Variants in LLGL2 observed in about 807,000 individuals in gnomAD.
The protein encoded by LLGL2 is LLGL scribble cell polarity complex component 2, also known as LLGL2, scribble cell polarity complex component.
LLGL2 carries 81 observed loss-of-function variants against 123.2 expected under a neutral mutation model. The ratio of observed to expected loss-of-function variants is 0.66; its 90% CI spans 0.55 to 0.79. The LOEUF is 0.79. LLGL2 is among the 30% of genes least tolerant of loss of function. The probability of loss-of-function intolerance (pLI) is 0.00; values close to 1 mark genes in which losing one functional copy is unlikely to be tolerated. For missense variants in LLGL2, 1,273 were observed against 1,414.6 expected, an observed-to-expected ratio of 0.90 and a Z score of 1.61; for synonymous variants, 577 against 594.1, an observed-to-expected ratio of 0.97 and a Z score of 0.42.
chr17:75,569,028 G>A lies in LLGL2; in HGVS notation c.1373G>A (p.Arg458Gln), dbSNP rs747922152. The A allele has an allele frequency of 8.7e-6, 14 of 1,613,000 alleles. No homozygotes were observed. In the East Asian group the frequency reaches 1.8e-4, roughly 21 times the overall value. ...TGGGATGCCTCGGGTGTCTGCCTGC[G>A]GCTGCTCTACAAACTCAGCACTGTG... ...RFWDASGVCLRLLYKLSTVRV... is the reference protein window; with the variant it reads ...RFWDASGVCLQLLYKLSTVRV... Residue 458 changes from arginine (R) to glutamine (Q), a missense_variant, in exon 13 of 26, where the codon CGG becomes CAG. Transcript: ENST00000392550.
chr17:75,567,256 G>A (rs2055481505), intron 10 of LLGL2, among the ~76,000 whole-genome samples: 1 of 152,154 alleles, frequency 6.6e-6, no homozygotes, highest in African/African-American at 2.4e-5. Flanking sequence ...CTGAGGTTAG[G>A]GGTTCGAGAC....
chr17:75,559,928 G>A lies in LLGL2; in HGVS notation c.530+518G>A, dbSNP rs1438602876. Among the ~76,000 whole-genome samples, 3 of 152,240 alleles carry A rather than the reference G, an allele frequency of 2.0e-5. No homozygotes were observed. The highest frequency in any genetic ancestry group is 4.4e-5 in the Non-Finnish European group (3 of 68,038). ...ATGATACTACATTAGAGAGGGAGTTGGATCAGGTCCGGGTGGGAGAAGGGG... is the reference window on the plus strand; with the variant it reads ...ATGATACTACATTAGAGAGGGAGTTAGATCAGGTCCGGGTGGGAGAAGGGG... On this transcript the variant is annotated intron_variant, in intron 6 of 25. Coordinates refer to ENST00000392550, the MANE Select transcript of LLGL2 (RefSeq NM_001031803.2). The surrounding 1 kb of genome is among the most constrained non-coding windows in gnomAD (Gnocchi z 4.6).
chr17:75,543,519 G>A lies in LLGL2; in HGVS notation c.75+18G>A, dbSNP rs1431867018. On this transcript the variant is annotated intron_variant, in intron 2 of 25. Transcript: ENST00000392550. Reference sequence around the variant, plus strand: ...TTAACAAGGTAAGTTAGGGAGAGCAGGGAAGATGACCCCCAGGTTTTCGGC... The same window carrying A: ...TTAACAAGGTAAGTTAGGGAGAGCAAGGAAGATGACCCCCAGGTTTTCGGC... 1 of 1,603,464 alleles carries A rather than the reference G, an allele frequency of 6.2e-7. No homozygotes were observed. The highest frequency in any genetic ancestry group is 1.1e-5 in the South Asian group (1 of 89,742).
chr17:75,571,053 C>T lies in LLGL2; in HGVS notation c.2129C>T (p.Thr710Ile), dbSNP rs760232673. ...GCTCGCTCGGCAGAGGACTCCTTCA[C>T]AGGCTTCGTCCGGACCCTGTACTTT... ...IEARSAEDSFTGFVRTLYFAD... is the reference protein window; with the variant it reads ...IEARSAEDSFIGFVRTLYFAD... The change falls in exon 17 of 26, where the codon ACA becomes ATA. Residue 710 changes from threonine (T) to isoleucine (I), a missense_variant. Coordinates refer to ENST00000392550, the MANE Select transcript of LLGL2 (RefSeq NM_001031803.2). 3.1e-6 allele frequency: 5 copies of T among 1,612,984 alleles called. No homozygotes were observed. In the South Asian group the frequency reaches 5.5e-5, roughly 18 times the overall value.
At chr17:75,572,281 A>G (rs1359388404) in intron 19 of LLGL2, among the ~76,000 whole-genome samples, 1 of 152,022 alleles carries the variant, frequency 6.6e-6, no homozygotes, top group Non-Finnish European at 1.5e-5. Context: ...TAATGCCAGC[A>G]CTTTGGGAGG....
chr17:75,535,420 G>A lies in LLGL2; in HGVS notation c.-30-7977G>A, dbSNP rs150659220. ...CGGGGGCCCTCTCTGGTTTCGGCTGGGTCTGGAGTCCTGCCGCTGGGTGTG... is the reference window on the plus strand; with the variant it reads ...CGGGGGCCCTCTCTGGTTTCGGCTGAGTCTGGAGTCCTGCCGCTGGGTGTG... On this transcript the variant is annotated intron_variant, in intron 1 of 25. Coordinates refer to ENST00000392550, the MANE Select transcript of LLGL2 (RefSeq NM_001031803.2). Among the ~76,000 whole-genome samples, 25 of 152,338 alleles carry A rather than the reference G, an allele frequency of 1.6e-4. No individual in the cohort carries two copies. The East Asian group carries it at 4.2e-3, about 26-fold the overall frequency.
At chr17:75,528,784 G>T (rs1398822190) in intron 1 of LLGL2, among the ~76,000 whole-genome samples, 2 of 151,834 alleles carry the variant, frequency 1.3e-5, no homozygotes, top group African/African-American at 2.4e-5. Flanking sequence ...CCAGGTGATC[G>T]CTGTTCATTT....
At chr17:75,541,689 T>G (rs1158438836) in intron 1 of LLGL2, among the ~76,000 whole-genome samples, 1 of 147,802 alleles carries the variant, frequency 6.8e-6, no homozygotes, top group Non-Finnish European at 1.5e-5. Context: ...GTGCAGATCC[T>G]TTCACTCAAG....
rs1256864020 is a variant in LLGL2, at chr17:75,559,146, A to C, written c.372-106A>C. On this transcript the variant is annotated intron_variant, in intron 5 of 25. Transcript: ENST00000392550. The surrounding 1 kb of genome is among the most constrained non-coding windows in gnomAD (Gnocchi z 4.6). ...TCCTGGCTTGAAATGTTATGACCTCATTAAAGGGCCTTATGGGCTTGTTTT... is the reference window on the plus strand; with the variant it reads ...TCCTGGCTTGAAATGTTATGACCTCCTTAAAGGGCCTTATGGGCTTGTTTT... 13 of 1,209,800 alleles carry C rather than the reference A, an allele frequency of 1.1e-5. No homozygotes were observed. In the South Asian group the frequency reaches 1.6e-4, roughly 15 times the overall value. 74.9% of individuals were successfully genotyped at this position (1,209,800 alleles called of 1,614,324 possible).
At chr17:75,548,269 T>TC (rs2054513749) in intron 2 of LLGL2, among the ~76,000 whole-genome samples, 1 of 126,512 alleles carries the variant, frequency 7.9e-6, no homozygotes, top group Non-Finnish European at 1.7e-5. Flanking sequence ...GAAGGACAAT[T>TC]TTTTTTTTCC....
chr17:75,558,726 CT>C lies in LLGL2; in HGVS notation c.371+100del. 1 of 881,608 alleles carries C rather than the reference CT, an allele frequency of 1.1e-6. No homozygotes were observed. Among genetic ancestry groups the C allele is most frequent in the Non-Finnish European group, 1.8e-6 (1 of 554,590 alleles). 54.6% of individuals were successfully genotyped at this position (881,608 alleles called of 1,614,324 possible). On this transcript the variant is annotated intron_variant, in intron 5 of 25. Coordinates refer to ENST00000392550, the MANE Select transcript of LLGL2 (RefSeq NM_001031803.2). The surrounding 1 kb of genome is among the most constrained non-coding windows in gnomAD (Gnocchi z 4.0). ...ACCCTTTGTGAGGCCTGTTGCGCCC[CT>C]GGCAGTGACTGGCATGCGTTTGGCC...
intron 1 of LLGL2, among the ~76,000 whole-genome samples, chr17:75,540,104 C>T (rs1365852344): frequency 6.6e-6 from 1 of 152,110 alleles, no homozygotes; most frequent in South Asian, 2.1e-4. Flanking sequence ...GGGAGCTATG[C>T]GGTGCTGTGA....
rs900865923 is a variant in LLGL2, at chr17:75,563,235, G to A, written c.693+57G>A. 6.8e-6 allele frequency: 11 copies of A among 1,609,254 alleles called. No homozygotes were observed. In the African/African-American group the frequency reaches 1.2e-4, roughly 18 times the overall value. ...TGTTGCTCTCCCAGGGCCCCAAGTG[G>A]CACATACACACTGTGCAGAGGCATG... On this transcript the variant is annotated intron_variant, in intron 7 of 25. Transcript: ENST00000392550.
chr17:75,536,537 G>A (rs1369180506), intron 1 of LLGL2, among the ~76,000 whole-genome samples: 1 of 152,214 alleles, frequency 6.6e-6, no homozygotes, highest in African/African-American at 2.4e-5. Flanking sequence ...TGCGGTGGCT[G>A]GAGAGGAGCC....
Position 75,568,470 on chromosome 17 carries a change from C to T in LLGL2, c.1037-6C>T, listed in dbSNP as rs779741960. Reference sequence around the variant, plus strand: ...CCCGGCCCCTGACCCTTGCCCTGTACCCCAGCCTTTGACGACCCCTATGCC... The same window carrying T: ...CCCGGCCCCTGACCCTTGCCCTGTATCCCAGCCTTTGACGACCCCTATGCC... On this transcript the variant is annotated splice_polypyrimidine_tract_variant and splice_region_variant and intron_variant, in intron 10 of 25. Transcript: ENST00000392550. The T allele has an allele frequency of 1.9e-6, 3 of 1,611,284 alleles. No individual in the cohort carries two copies. The African/African-American group carries it at 4.0e-5, about 22-fold the overall frequency.
Position 75,558,759 on chromosome 17 carries a change from A to G in LLGL2, c.371+132A>G. On this transcript the variant is annotated intron_variant, in intron 5 of 25. Coordinates refer to ENST00000392550, the MANE Select transcript of LLGL2 (RefSeq NM_001031803.2). The surrounding 1 kb of genome is among the most constrained non-coding windows in gnomAD (Gnocchi z 4.0). ...GACTGGCATGCGTTTGGCCCGATGC[A>G]TCGCCACACTCAGGTGCTCCGAGTG... 1.4e-6 allele frequency: 1 copy of G among 716,858 alleles called. No homozygotes were observed. The highest frequency in any genetic ancestry group is 1.7e-5 in the South Asian group (1 of 58,608). 44.4% of individuals were successfully genotyped at this position (716,858 alleles called of 1,614,324 possible). A position where few individuals can be genotyped will look rare whatever the true frequency, so the allele number is the denominator to read the frequency against.
rs2055081777 is a variant in LLGL2, at chr17:75,559,163, G to A, written c.372-89G>A. On this transcript the variant is annotated intron_variant, in intron 5 of 25. Coordinates refer to ENST00000392550, the MANE Select transcript of LLGL2 (RefSeq NM_001031803.2). The surrounding 1 kb of genome is among the most constrained non-coding windows in gnomAD (Gnocchi z 4.6). The stretch of plus-strand genomic sequence containing the variant: ...ATGACCTCATTAAAGGGCCTTATGG[G>A]CTTGTTTTCCGAGGAGTCAGGGGAC... The A allele has an allele frequency of 2.9e-6, 4 of 1,369,346 alleles. No individual in the cohort carries two copies. Among genetic ancestry groups the A allele is most frequent in the East Asian group, 2.5e-5 (1 of 39,812 alleles). 84.8% of individuals were successfully genotyped at this position (1,369,346 alleles called of 1,614,324 possible). A position where few individuals can be genotyped will look rare whatever the true frequency, so the allele number is the denominator to read the frequency against.
At chr17:75,551,868 C>T (rs1215264989) in intron 2 of LLGL2, among the ~76,000 whole-genome samples, 1 of 152,188 alleles carries the variant, frequency 6.6e-6, no homozygotes, top group Non-Finnish European at 1.5e-5. Context: ...GTGGCTCACG[C>T]CTGTAATCCC....
In LLGL2 at chr17:75,560,802, T is replaced by TAAA. The variant is rs372940306; in HGVS notation, c.530+1420_530+1422dup. Among the ~76,000 whole-genome samples, 156 of 96,074 alleles carry TAAA rather than the reference T, an allele frequency of 1.6e-3. 6 individuals are homozygous for TAAA. The highest frequency in any genetic ancestry group is 2.6e-3 in the Non-Finnish European group (123 of 47,180). 63.0% of individuals were successfully genotyped at this position (96,074 alleles called of 152,430 possible). On this transcript the variant is annotated intron_variant, in intron 6 of 25. Coordinates refer to ENST00000392550, the MANE Select transcript of LLGL2 (RefSeq NM_001031803.2). ...CGCCTGGCCCAGTTTGTTTATTTAT[T>TAAA]AAAAAAAAAAAAAAAAAAAAAAAAA...
Sources: allele counts gnomAD v4.1 joint callset (sites outside exome capture counted in the v4.1 genomes callset), GRCh38; gene constraint gnomAD v4.1.1; non-coding constraint Gnocchi (gnomAD v3.1); transcripts MANE v1.5; gene names NCBI Gene and HGNC (gene_info 2026-07-23, HGNC 2026-07-21).